The following COG5 variants were observed in gnomAD, a reference collection of about 807,000 sequenced individuals.
COG5 encodes component of oligomeric golgi complex 5, also known as conserved oligomeric Golgi complex subunit 5.
COG5 carries 86 observed loss-of-function variants against 110.4 expected under a neutral mutation model. That is an observed-to-expected ratio of 0.78 (90% CI 0.65 to 0.93). COG5 has a LOEUF of 0.93. COG5 is among the 40% of genes least tolerant of loss of function. The pLI is 0.00. For missense variants in COG5, 1,077 were observed against 987.0 expected, an observed-to-expected ratio of 1.09 and a Z score of -1.22; for synonymous variants, 360 against 334.6, an observed-to-expected ratio of 1.08 and a Z score of -0.83.
intron 11 of COG5, among the ~76,000 whole-genome samples, chr7:107,320,046 T>TAG (rs973514152): frequency 6.6e-6 from 1 of 152,010 alleles, no homozygotes; most frequent in African/African-American, 2.4e-5. Flanking sequence ...TCTGATGTTG[T>TAG]AGAGTGTGAC....
At chr7:107,427,808 T>C (rs539049605) in intron 6 of COG5, among the ~76,000 whole-genome samples, 2 of 152,116 alleles carry the variant, frequency 1.3e-5, no homozygotes, top group Admixed American at 1.3e-4. Flanking sequence ...TTGTCCTGCA[T>C]CCAAGAAGAA....
chr7:107,332,629 G>T (rs75403852), intron 10 of COG5, among the ~76,000 whole-genome samples: 1 of 152,168 alleles, frequency 6.6e-6, no homozygotes, highest in African/African-American at 2.4e-5. Flanking sequence ...GTGGGCAGAA[G>T]GATTTGGCAT....
Position 107,327,809 on chromosome 7 carries a change from C to T in COG5, c.1027-3288G>A, listed in dbSNP as rs143271998. 8.7e-4 allele frequency among the ~76,000 whole-genome samples: 133 copies of T among 152,108 alleles called. 1 individual carries two copies. In the East Asian group the frequency reaches 0.022, roughly 25 times the overall value. On this transcript the variant is annotated intron_variant, in intron 10 of 21. Transcript: ENST00000297135. Reference sequence around the variant, plus strand: ...AAAACTGGTAAATAACAAGTCTCAGCGAGGATGTGGAGAAACTGGAAATTT... The same window carrying T: ...AAAACTGGTAAATAACAAGTCTCAGTGAGGATGTGGAGAAACTGGAAATTT...
At chr7:107,414,722 T>C (rs1792580651) in intron 6 of COG5, among the ~76,000 whole-genome samples, 1 of 86,424 alleles carries the variant, frequency 1.2e-5, no homozygotes, top group African/African-American at 9.7e-5. Flanking sequence ...TTTTTTTTTT[T>C]TTTTTTTTTT....
intron 8 of COG5, among the ~76,000 whole-genome samples, chr7:107,367,666 T>G (rs1398162060): frequency 1.3e-5 from 2 of 152,092 alleles, no homozygotes; most frequent in African/African-American, 4.8e-5. Context: ...GCCATTATTC[T>G]AAGTGAAGTA....
chr7:107,307,812 C>CGTGTA (rs779563661), intron 11 of COG5, among the ~76,000 whole-genome samples: 27,219 of 151,856 alleles, frequency 0.18, 2,612 homozygotes, highest in Non-Finnish European at 0.22. Context: ...TTGGGTACAC[C>CGTGTA]CACTGCTTGG....
At chr7:107,275,230 GT>G (rs1374666667) in intron 14 of COG5, among the ~76,000 whole-genome samples, 2 of 151,758 alleles carry the variant, frequency 1.3e-5, no homozygotes, top group Non-Finnish European at 2.9e-5. Context: ...GAGGTGGGAG[GT>G]TGCTTGAGGC....
chr7:107,292,667 A>T (rs1464841517), intron 12 of COG5, among the ~76,000 whole-genome samples: 1 of 152,144 alleles, frequency 6.6e-6, no homozygotes, highest in African/African-American at 2.4e-5. Flanking sequence ...GATCTGAAGA[A>T]ACTCTCCAGG....
intron 14 of COG5, among the ~76,000 whole-genome samples, chr7:107,269,387 A>G (rs1457726852): frequency 6.6e-6 from 1 of 151,842 alleles, no homozygotes; most frequent in Admixed American, 6.6e-5. Flanking sequence ...AGGCAGGAGA[A>G]TGGCATGAAC....
chr7:107,379,766 C>T (rs925532823), intron 7 of COG5, among the ~76,000 whole-genome samples: 11 of 152,090 alleles, frequency 7.2e-5, no homozygotes, highest in African/African-American at 2.7e-4. Context: ...TACAGGAGCA[C>T]CCAGATTCAT....
intron 6 of COG5, among the ~76,000 whole-genome samples, chr7:107,501,644 C>A (rs1584901549): frequency 6.6e-6 from 1 of 152,030 alleles, no homozygotes; most frequent in Non-Finnish European, 1.5e-5. Context: ...TAAATTTTAG[C>A]AACATTAACT....
rs1181518501 is a variant in COG5 at position 107,372,517 on chromosome 7, A to G, written c.835+78T>C. 6 of 1,390,138 alleles carry G rather than the reference A, an allele frequency of 4.3e-6. No homozygotes were observed. In the Admixed American group the frequency reaches 8.7e-5, roughly 20 times the overall value. 86.1% of individuals were successfully genotyped at this position (1,390,138 alleles called of 1,614,324 possible). A position where few individuals can be genotyped will look rare whatever the true frequency, so the allele number is the denominator to read the frequency against. ...ATGAGTCATTAGATTGCTTTGAAAC[A>G]TGAGTGTTTCACATACTATTCAAAA... On this transcript the variant is annotated intron_variant, in intron 8 of 21. Coordinates refer to ENST00000297135, the MANE Select transcript of COG5 (RefSeq NM_006348.5).
chr7:107,407,120 G>A (rs1452900762), intron 7 of COG5, among the ~76,000 whole-genome samples: 3 of 152,160 alleles, frequency 2.0e-5, no homozygotes, highest in Non-Finnish European at 4.4e-5. Flanking sequence ...GGTGGCTCAC[G>A]CCTGTAATCC....
At position 107,343,079 on chromosome 7, in the gene COG5, C is replaced by T. The variant is rs555567425; in HGVS notation, c.1027-18558G>A. ...ATGTCTTTTTACAGCAACATGGATA[C>T]AGCTGAAGGCCATTATCCTAAGCAA... On this transcript the variant is annotated intron_variant, in intron 10 of 21. Coordinates refer to ENST00000297135, the MANE Select transcript of COG5 (RefSeq NM_006348.5). Among the ~76,000 whole-genome samples the T allele has an allele frequency of 3.9e-5, 6 of 152,250 alleles. No individual in the cohort carries two copies. The East Asian group carries it at 9.6e-4, about 24-fold the overall frequency.
intron 14 of COG5, chr7:107,258,728 T>C (rs1206920099): frequency 2.3e-5 from 5 of 215,978 alleles, no homozygotes; most frequent in Admixed American, 5.4e-5. Context: ...TATAATAACA[T>C]AGTAATCCTA....
chr7:107,464,478 C>T (rs1796183108), intron 6 of COG5, among the ~76,000 whole-genome samples: 1 of 152,182 alleles, frequency 6.6e-6, no homozygotes, highest in Non-Finnish European at 1.5e-5. Flanking sequence ...CGTTAGGAGA[C>T]TCTTACTCTG....
chr7:107,504,103 T>A (rs1798812768), intron 6 of COG5, among the ~76,000 whole-genome samples: 1 of 152,146 alleles, frequency 6.6e-6, no homozygotes. Context: ...TTTCAACTTT[T>A]CCCCGTTCAG....
At chr7:107,426,582 G>C (rs1041998391) in intron 6 of COG5, among the ~76,000 whole-genome samples, 4 of 152,080 alleles carry the variant, frequency 2.6e-5, no homozygotes, top group African/African-American at 9.7e-5. Context: ...AGGGCTCTCT[G>C]GGATCCCTTT....
intron 5 of COG5, 61 bp downstream of exon 5, chr7:107,548,050 T>C (rs1802578313): frequency 7.3e-7 from 1 of 1,362,276 alleles, no homozygotes; most frequent in African/African-American, 1.5e-5. Context: ...CTCTTAAATT[T>C]TGTCCACTTA....
Sources: allele counts gnomAD v4.1 joint callset (sites outside exome capture counted in the v4.1 genomes callset), GRCh38; gene constraint gnomAD v4.1.1; transcripts MANE v1.5; gene names NCBI Gene and HGNC (gene_info 2026-07-23, HGNC 2026-07-21).